Variants in DEF6 observed in about 807,000 individuals in gnomAD.
DEF6 encodes the protein differentially expressed in FDCP 6 homolog.
DEF6 carries 32 observed loss-of-function variants against 80.5 expected under a neutral mutation model. That is an observed-to-expected ratio of 0.40 (90% CI 0.30 to 0.53). The LOEUF (loss-of-function observed/expected upper bound fraction) is 0.53. DEF6 is among the 20% of genes least tolerant of loss of function. The pLI is 0.57. For synonymous variants in DEF6, 300 were observed against 337.9 expected, an observed-to-expected ratio of 0.89 and a Z score of 1.23; for missense variants, 575 against 818.7, an observed-to-expected ratio of 0.70 and a Z score of 3.63.
chr6:35,312,245 G>A lies in DEF6; in HGVS notation c.424-57G>A, dbSNP rs777920923. 2 of 1,496,070 alleles carry A rather than the reference G, an allele frequency of 1.3e-6. No homozygotes were observed. The highest frequency in any genetic ancestry group is 1.8e-6 in the Non-Finnish European group (2 of 1,081,584). The allele number at this position is 1,496,070 out of a possible 1,614,324, so 92.7% of individuals were successfully genotyped here. On this transcript the variant is annotated intron_variant, in intron 3 of 10. Coordinates refer to ENST00000316637, the MANE Select transcript of DEF6 (RefSeq NM_022047.4). This position sits in a 1 kb window ranked among gnomAD's most constrained non-coding sequence, Gnocchi z 6.6. ...GGAGCCAGATAGAGCACTCCCTGGT[G>A]TTGGTGCTGGCAACACCACCTGCTG... is the stretch of plus-strand genomic sequence containing the variant.
Position 35,317,988 on chromosome 6 carries a change from A to T in DEF6, c.905A>T (p.Glu302Val). Residue 302 changes from glutamate (E) to valine (V), a missense_variant, in exon 6 of 11, where the codon GAG (glutamate) becomes GTG (valine). Physicochemically the swap from Glu to Val is moderately radical, Grantham distance 121. Coordinates refer to ENST00000316637, the MANE Select transcript of DEF6 (RefSeq NM_022047.4). ...GCCTCAGACACGCGCCAGCGCCAGGAGTGGACAGCTGGTGAGTGCTCGCTA... is the reference window on the plus strand; with the variant it reads ...GCCTCAGACACGCGCCAGCGCCAGGTGTGGACAGCTGGTGAGTGCTCGCTA... ...MSASDTRQRQ[E>V]WTAAIQMAIR... is the part of the protein sequence containing the mutation. 6.2e-7 allele frequency: 1 copy of T among 1,613,376 alleles called. No homozygotes were observed. Among genetic ancestry groups the T allele is most frequent in the Non-Finnish European group, 8.5e-7 (1 of 1,179,762 alleles).
At chr6:35,306,747 G>A (rs1018387637) in intron 1 of DEF6, among the ~76,000 whole-genome samples, 1 of 152,162 alleles carries the variant, frequency 6.6e-6, no homozygotes, top group African/African-American at 2.4e-5. Flanking sequence ...TTACATGCCA[G>A]TGTAGTATGC....
Position 35,311,256 on chromosome 6 carries a change from C to T in DEF6, c.423+612C>T, listed in dbSNP as rs147025491. ...CCTCCCTCTTATCCTCACTTCCCTC[C>T]CCTGCCCATTTGGCCTTGTGACCCT... On this transcript the variant is annotated intron_variant, in intron 3 of 10. Transcript: ENST00000316637. Among the ~76,000 whole-genome samples, 437 of 152,208 alleles carry T rather than the reference C, an allele frequency of 2.9e-3. 4 individuals are homozygous for T. The highest frequency in any genetic ancestry group is 0.01 in the African/African-American group (418 of 41,510).
chr6:35,303,558 G>A (rs960207972), intron 1 of DEF6, among the ~76,000 whole-genome samples: 2 of 152,200 alleles, frequency 1.3e-5, no homozygotes, highest in African/African-American at 4.8e-5. Flanking sequence ...CTACCCTTGT[G>A]GTGCTGACAT....
chr6:35,303,327 G>A lies in DEF6; in HGVS notation c.96+5375G>A, dbSNP rs1055913882. Reference sequence around the variant, plus strand: ...GGCAGGTTCTGTCCTGGGTCGGGGAGGGCATTCATAGGTCCTCTCCTAAGA... The same window carrying A: ...GGCAGGTTCTGTCCTGGGTCGGGGAAGGCATTCATAGGTCCTCTCCTAAGA... On this transcript the variant is annotated intron_variant, in intron 1 of 10. Transcript: ENST00000316637. 5.5e-4 allele frequency among the ~76,000 whole-genome samples: 83 copies of A among 152,216 alleles called. 1 individual carries two copies. The highest frequency in any genetic ancestry group is 1.9e-3 in the African/African-American group (79 of 41,544).
rs1419076730 is a variant in DEF6 at position 35,309,739 on chromosome 6, C to T, written c.166C>T (p.Arg56Ter). 2 of 1,614,020 alleles carry T rather than the reference C, an allele frequency of 1.2e-6. No homozygotes were observed. The highest frequency in any genetic ancestry group is 1.7e-6 in the Non-Finnish European group (2 of 1,180,006). The change falls in exon 2 of 11, where the codon CGA (arginine) becomes TGA (stop). Residue 56 changes from arginine (R) to a stop codon, truncating the protein, a stop_gained. Transcript: ENST00000316637. LOFTEE classifies it high-confidence loss of function. ...HDPVALEEHF[R>*]DDDDGPVSSQ... Reference sequence around the variant, plus strand: ...CCCCGTGGCCCTGGAGGAACACTTCCGAGATGATGATGACGGCCCTGTGTC... The same window carrying T: ...CCCCGTGGCCCTGGAGGAACACTTCTGAGATGATGATGACGGCCCTGTGTC...
At chr6:35,298,518 C>A (rs1791271884) in intron 1 of DEF6, among the ~76,000 whole-genome samples, 1 of 152,172 alleles carries the variant, frequency 6.6e-6, no homozygotes, top group Admixed American at 6.5e-5. Context: ...CTACGCAGCT[C>A]ACCCCCCTAT....
At position 35,310,649 on chromosome 6, in the gene DEF6, G is replaced by A; in HGVS notation, c.423+5G>A. On this transcript the variant is annotated splice_donor_5th_base_variant and intron_variant, in intron 3 of 10. Transcript: ENST00000316637. ...CTGATCATGGTTCCTGATGAGGTGA[G>A]GGTGATGGCAGCCCCAGGGACTGAA... The A allele has an allele frequency of 6.2e-7, 1 of 1,614,126 alleles. No homozygotes were observed. The highest frequency in any genetic ancestry group is 8.5e-7 in the Non-Finnish European group (1 of 1,180,014).
intron 3 of DEF6, among the ~76,000 whole-genome samples, chr6:35,311,511 A>G (rs1472981156): frequency 1.3e-5 from 2 of 152,196 alleles, no homozygotes; most frequent in Admixed American, 6.5e-5. Context: ...AGAAAGTCCT[A>G]AACAGAGTGT....
At chr6:35,307,835 C>A (rs1185455231) in intron 1 of DEF6, among the ~76,000 whole-genome samples, 2 of 152,232 alleles carry the variant, frequency 1.3e-5, no homozygotes, top group Non-Finnish European at 2.9e-5. Context: ...TCCCCCTCCT[C>A]TCTGAAAAGA....
At chr6:35,311,933 C>CT (rs543448758) in intron 3 of DEF6, among the ~76,000 whole-genome samples, 88 of 152,042 alleles carry the variant, frequency 5.8e-4, no homozygotes, top group Non-Finnish European at 1.1e-3. Flanking sequence ...CCCCTTTGGG[C>CT]TTTTTTTTGG....
In DEF6 at chr6:35,318,505, G is replaced by T; in HGVS notation, c.1215+34G>T. 1 of 1,366,098 alleles carries T rather than the reference G, an allele frequency of 7.3e-7. No homozygotes were observed. The highest frequency in any genetic ancestry group is 9.4e-7 in the Non-Finnish European group (1 of 1,067,902). The allele number at this position is 1,366,098 out of a possible 1,614,324, so 84.6% of individuals were successfully genotyped here. On this transcript the variant is annotated intron_variant, in intron 7 of 10. Transcript: ENST00000316637. The surrounding 1 kb of genome is among the most constrained non-coding windows in gnomAD (Gnocchi z 5.1). ...AGCTCCCGGCGCCGGGGACGGGACC[G>T]GTGGGCTGGGAGGCTGGCCAGGGGC...
chr6:35,316,168 CTTT>C (rs34442746), intron 5 of DEF6: 10 of 148,056 alleles, frequency 6.8e-5, no homozygotes, highest in South Asian at 3.9e-4. Context: ...TGTGCCCGGC[CTTT>C]TTTTTTTTTT....
chr6:35,309,136 T>C (rs1027346544), intron 1 of DEF6, among the ~76,000 whole-genome samples: 4 of 152,218 alleles, frequency 2.6e-5, no homozygotes, highest in Admixed American at 2.0e-4. Context: ...CCATGATAAA[T>C]TGGCAGCTTC....
At chr6:35,298,938 G>C (rs1791277662) in intron 1 of DEF6, among the ~76,000 whole-genome samples, 1 of 152,132 alleles carries the variant, frequency 6.6e-6, no homozygotes, top group Non-Finnish European at 1.5e-5. Flanking sequence ...GGAGACGTGT[G>C]GTCTCAAGGA....
rs960543140 is a variant in DEF6, at chr6:35,318,979, T to C, written c.1215+508T>C. ...GTAGATTCAATCCTAGCTCTGCTTC[T>C]TACGAGCCCCGTGATCCCAGGCAAG... is the stretch of plus-strand genomic sequence containing the variant. On this transcript the variant is annotated intron_variant, in intron 7 of 10. Transcript: ENST00000316637. The surrounding 1 kb of genome is among the most constrained non-coding windows in gnomAD (Gnocchi z 5.1). Among the ~76,000 whole-genome samples the C allele has an allele frequency of 3.3e-5, 5 of 152,136 alleles. No homozygotes were observed. Among genetic ancestry groups the C allele is most frequent in the African/African-American group, 1.2e-4 (5 of 41,402 alleles).
rs761035055 is a variant in DEF6 at position 35,321,318 on chromosome 6, GAGC to G, written c.1810_1812del (p.Gln604del). 12 of 1,614,118 alleles carry G rather than the reference GAGC, an allele frequency of 7.4e-6. No homozygotes were observed. The South Asian group carries it at 1.2e-4, about 16-fold the overall frequency. Reference sequence around the variant, plus strand: ...CAGGACCCCCTCGCCCAACAGCAATGAGCAGCAGAAGTCCCTCAATGGTGGGGA... The same window carrying G: ...CAGGACCCCCTCGCCCAACAGCAATGAGCAGAAGTCCCTCAATGGTGGGGA... On this transcript the variant is annotated inframe_deletion, in exon 11 of 11. Coordinates refer to ENST00000316637, the MANE Select transcript of DEF6 (RefSeq NM_022047.4).
rs377414352 is a variant in DEF6, at chr6:35,312,748, G to A, written c.783G>A (p.Pro261=). ...EECKEKRGII[P]LDAHCCVEVL... ...GCAAAGAGAAAAGGGGCATTATCCC[G>A]CTGGATGCACACTGCTGCGTGGAGG... Residue 261 remains proline, a synonymous_variant, in exon 5 of 11, where the codon CCG becomes CCA. Coordinates refer to ENST00000316637, the MANE Select transcript of DEF6 (RefSeq NM_022047.4). This position sits in a 1 kb window ranked among gnomAD's most constrained non-coding sequence, Gnocchi z 6.6. 28 of 1,612,396 alleles carry A rather than the reference G, an allele frequency of 1.7e-5. No homozygotes were observed. The highest frequency in any genetic ancestry group is 2.0e-5 in the Non-Finnish European group (23 of 1,179,350).
At chr6:35,316,804 ACTAT>A (rs772987015) in intron 5 of DEF6, among the ~76,000 whole-genome samples, 1 of 152,148 alleles carries the variant, frequency 6.6e-6, no homozygotes, top group Non-Finnish European at 1.5e-5. Flanking sequence ...AACCATCACC[ACTAT>A]CTATTTCCAA....
Sources: gnomAD v4.1 joint callset for allele counts (sites outside exome capture counted in the v4.1 genomes callset) on GRCh38, gnomAD v4.1.1 for gene constraint, Gnocchi (gnomAD v3.1) non-coding constraint, MANE v1.5 for transcripts, NCBI Gene and HGNC (gene_info 2026-07-23, HGNC 2026-07-21) for gene names.